The following DCAF5 variants were observed in gnomAD, a reference collection of about 807,000 sequenced individuals.
The protein encoded by DCAF5 is DDB1- and CUL4-associated factor 5.
In DCAF5, 9 loss-of-function variants were observed where a neutral mutation model predicts 80.7. The observed-to-expected ratio is 0.11, with a 90% CI of 0.07 to 0.19. DCAF5 has a LOEUF of 0.19. Ranked by LOEUF, DCAF5 falls within the 10% of genes least tolerant of loss-of-function variation. The probability of loss-of-function intolerance (pLI) is 1.00; values close to 1 mark genes in which losing one functional copy is unlikely to be tolerated. For missense variants in DCAF5, 842 were observed against 1,205.7 expected (o/e 0.70, Z 4.47); for synonymous variants, 433 against 461.9 (o/e 0.94, Z 0.80).
At chr14:69,085,001 GA>G (rs2039262590) in intron 6 of DCAF5, 1 of 1,374,066 alleles carries the variant, frequency 7.3e-7, no homozygotes, top group Non-Finnish European at 1.0e-6. Flanking sequence ...TTCACTACCT[GA>G]AATGATCCAA....
intron 5 of DCAF5, among the ~76,000 whole-genome samples, chr14:69,101,701 C>T (rs1039799059): frequency 3.3e-5 from 5 of 152,124 alleles, no homozygotes; most frequent in Admixed American, 3.3e-4. Context: ...TTCACACAAA[C>T]CTAGAAGGTA....
intron 5 of DCAF5, among the ~76,000 whole-genome samples, chr14:69,097,654 T>C (rs2039778126): frequency 1.3e-5 from 2 of 150,662 alleles, no homozygotes; most frequent in African/African-American, 4.9e-5. Context: ...TGGTGCAATC[T>C]TGGCCCACTG....
intron 1 of DCAF5, among the ~76,000 whole-genome samples, chr14:69,137,498 C>T (rs915134761): frequency 6.6e-6 from 1 of 152,038 alleles, no homozygotes; most frequent in Non-Finnish European, 1.5e-5. Flanking sequence ...TGCAAAATTC[C>T]TTGTATACAC....
At chr14:69,063,903 A>G (rs1247667645) in intron 7 of DCAF5, among the ~76,000 whole-genome samples, 1 of 152,216 alleles carries the variant, frequency 6.6e-6, no homozygotes, top group East Asian at 1.9e-4. Context: ...ATATTTGACA[A>G]TAATATTTGA....
chr14:69,102,762 C>A (rs2040008989), intron 5 of DCAF5, among the ~76,000 whole-genome samples: 1 of 152,096 alleles, frequency 6.6e-6, no homozygotes, highest in African/African-American at 2.4e-5. Flanking sequence ...GGAATACCTC[C>A]TGAAGGACCT....
chr14:69,093,555 T>A (rs2039600681), intron 5 of DCAF5, among the ~76,000 whole-genome samples: 1 of 152,086 alleles, frequency 6.6e-6, no homozygotes, highest in Non-Finnish European at 1.5e-5. Context: ...TGGGGAAAAT[T>A]AAGTGGACAA....
chr14:69,147,829 T>A (rs1034449849), intron 1 of DCAF5, among the ~76,000 whole-genome samples: 2 of 152,196 alleles, frequency 1.3e-5, no homozygotes, highest in African/African-American at 2.4e-5. Flanking sequence ...ACAAAAAAGA[T>A]AATAATCTCT....
In DCAF5 at chr14:69,055,762, C is replaced by G. The variant is rs762183884; in HGVS notation, c.1075-151G>C. 38 of 793,436 alleles carry G rather than the reference C, an allele frequency of 4.8e-5. No homozygotes were observed. Among genetic ancestry groups the G allele is most frequent in the Non-Finnish European group, 7.1e-5 (36 of 509,500 alleles). 49.1% of individuals were successfully genotyped at this position (793,436 alleles called of 1,614,324 possible). A position where few individuals can be genotyped will look rare whatever the true frequency, so the allele number is the denominator to read the frequency against. On this transcript the variant is annotated intron_variant, in intron 8 of 8. Coordinates refer to ENST00000341516, the MANE Select transcript of DCAF5 (RefSeq NM_003861.3). This position sits in a 1 kb window ranked among gnomAD's most constrained non-coding sequence, Gnocchi z 5.6. ...AACCAACTTAAAAATAAGTTCTTTA[C>G]CAGACTGGATCATGTGGGTTATGTA... is the stretch of plus-strand genomic sequence containing the variant.
intron 1 of DCAF5, among the ~76,000 whole-genome samples, chr14:69,128,106 G>A (rs908183758): frequency 6.6e-6 from 1 of 151,944 alleles, no homozygotes; most frequent in Non-Finnish European, 1.5e-5. Flanking sequence ...AAAAGTAGAG[G>A]GATAGATGAT....
At chr14:69,150,722 CA>C (rs11442310) in intron 1 of DCAF5, among the ~76,000 whole-genome samples, 3,140 of 137,190 alleles carry the variant, frequency 0.023, 103 homozygotes, top group African/African-American at 0.076. Flanking sequence ...TCCACCTCTA[CA>C]AAAAAAAAAA....
chr14:69,120,076 T>G (rs1249465106), intron 2 of DCAF5, among the ~76,000 whole-genome samples: 1 of 152,124 alleles, frequency 6.6e-6, no homozygotes, highest in Non-Finnish European at 1.5e-5. Flanking sequence ...TCTGTTTGTC[T>G]TTTAAAAATT....
At position 69,129,939 on chromosome 14, in the gene DCAF5, T is replaced by C. The variant is rs2040991460; in HGVS notation, c.215-7579A>G. 3.9e-5 allele frequency among the ~76,000 whole-genome samples: 6 copies of C among 152,260 alleles called. No individual in the cohort carries two copies. In the South Asian group the frequency reaches 1.2e-3, roughly 32 times the overall value. The stretch of plus-strand genomic sequence containing the variant: ...ATACTCTGGTTTTGGTTTTTTGGGT[T>C]GGTTTCATTCTGCACTAAAATCACT... On this transcript the variant is annotated intron_variant, in intron 1 of 8. Coordinates refer to ENST00000341516, the MANE Select transcript of DCAF5 (RefSeq NM_003861.3).
chr14:69,091,875 G>C lies in DCAF5; in HGVS notation c.678C>G (p.Arg226=), dbSNP rs775037849. 6.2e-7 allele frequency: 1 copy of C among 1,612,358 alleles called. No individual in the cohort carries two copies. The highest frequency in any genetic ancestry group is 8.5e-7 in the Non-Finnish European group (1 of 1,179,104). ...DIRKPQSSLL[R]YGGNLSLQSA... ...TTTGGAGGGACAGGTTTCCACCATAGCGCAGGAGAGAACTGGAAGGCACAA... is the reference window on the plus strand; with the variant it reads ...TTTGGAGGGACAGGTTTCCACCATACCGCAGGAGAGAACTGGAAGGCACAA... The change falls in exon 6 of 9, where the codon CGC becomes CGG. Residue 226 remains arginine (R), a synonymous_variant. Coordinates refer to ENST00000341516, the MANE Select transcript of DCAF5 (RefSeq NM_003861.3).
chr14:69,090,977 A>G, intron 6 of DCAF5: 1 of 664,038 alleles, frequency 1.5e-6, no homozygotes. Context: ...TTGGTGACCC[A>G]GATTAGCCCA....
At position 69,090,817 on chromosome 14, in the gene DCAF5, A is replaced by C. The variant is rs1193644989; in HGVS notation, c.879+857T>G. Reference sequence around the variant, plus strand: ...GTTGACCCAAAGATAAGAACACTAAACATTAGCGAGAGACTAAGGTTTTTC... The same window carrying C: ...GTTGACCCAAAGATAAGAACACTAACCATTAGCGAGAGACTAAGGTTTTTC... On this transcript the variant is annotated intron_variant, in intron 6 of 8. Coordinates refer to ENST00000341516, the MANE Select transcript of DCAF5 (RefSeq NM_003861.3). The C allele has an allele frequency of 2.0e-5, 8 of 390,416 alleles. No homozygotes were observed. The East Asian group carries it at 3.3e-4, about 16-fold the overall frequency. The allele number at this position is 390,416 out of a possible 1,614,324, so 24.2% of individuals were successfully genotyped here.
At chr14:69,125,133 T>C (rs1436933867) in intron 1 of DCAF5, among the ~76,000 whole-genome samples, 1 of 152,222 alleles carries the variant, frequency 6.6e-6, no homozygotes, top group East Asian at 1.9e-4. Flanking sequence ...AAATATTCTA[T>C]AGCCCCGACT....
chr14:69,140,331 C>T (rs990047803), intron 1 of DCAF5, among the ~76,000 whole-genome samples: 1 of 151,986 alleles, frequency 6.6e-6, no homozygotes, highest in Non-Finnish European at 1.5e-5. Context: ...ACCTGAAAAA[C>T]TACAATCCCT....
intron 1 of DCAF5, among the ~76,000 whole-genome samples, chr14:69,124,938 G>A (rs1165246858): frequency 1.3e-5 from 2 of 152,016 alleles, no homozygotes; most frequent in Non-Finnish European, 2.9e-5. Context: ...AGAGGCACAC[G>A]TTTCTTCTAC....
intron 5 of DCAF5, among the ~76,000 whole-genome samples, chr14:69,115,414 A>C (rs2040510927): frequency 6.6e-6 from 1 of 152,216 alleles, no homozygotes; most frequent in Non-Finnish European, 1.5e-5. Context: ...CAAGGAAGAT[A>C]ATCTTCTGTA....
Sources: allele counts gnomAD v4.1 joint callset (sites outside exome capture counted in the v4.1 genomes callset), GRCh38; gene constraint gnomAD v4.1.1; non-coding constraint Gnocchi (gnomAD v3.1); transcripts MANE v1.5; gene names NCBI Gene and HGNC (gene_info 2026-07-23, HGNC 2026-07-21).